Variants in CLSTN2 observed in about 807,000 individuals in gnomAD.
CLSTN2 encodes the protein calsyntenin 2.
CLSTN2 carries 48 observed loss-of-function variants against 101.2 expected under a neutral mutation model. The ratio of observed to expected loss-of-function variants is 0.47; its 90% CI spans 0.38 to 0.60. The LOEUF is 0.60. Among genes scored for constraint, CLSTN2 ranks in the 20% least tolerant of loss-of-function variants. CLSTN2 has a pLI of 0.00. For missense variants in CLSTN2, 1,160 were observed against 1,238.2 expected, an observed-to-expected ratio of 0.94 and a Z score of 0.95; for synonymous variants, 481 against 463.6, an observed-to-expected ratio of 1.04 and a Z score of -0.48.
intron 1 of CLSTN2, among the ~76,000 whole-genome samples, chr3:140,041,119 C>T (rs1472481183): frequency 6.6e-6 from 1 of 152,186 alleles, no homozygotes; most frequent in Non-Finnish European, 1.5e-5. Context: ...CACGTTAAAT[C>T]CGGAGAGCAG....
intron 1 of CLSTN2, among the ~76,000 whole-genome samples, chr3:140,082,731 G>C (rs1416895869): frequency 6.6e-6 from 1 of 152,148 alleles, no homozygotes; most frequent in Non-Finnish European, 1.5e-5. Context: ...AAGTCTTTTA[G>C]CTCAATCCAT....
chr3:139,950,727 T>C (rs1045061417), intron 1 of CLSTN2, among the ~76,000 whole-genome samples: 8 of 152,234 alleles, frequency 5.3e-5, no homozygotes, highest in Non-Finnish European at 7.3e-5. Context: ...ATCAATATAA[T>C]GTCTTCACTG....
At chr3:140,339,721 A>T (rs2087473738) in intron 2 of CLSTN2, among the ~76,000 whole-genome samples, 1 of 152,188 alleles carries the variant, frequency 6.6e-6, no homozygotes, top group African/African-American at 2.4e-5. Context: ...AGAGCCACAG[A>T]TACCACTCAA....
intron 1 of CLSTN2, among the ~76,000 whole-genome samples, chr3:140,100,807 G>A (rs1280248843): frequency 2.0e-5 from 3 of 152,242 alleles, no homozygotes; most frequent in African/African-American, 4.8e-5. Context: ...GTGTTGGCAA[G>A]ATTCCGTAAA....
intron 1 of CLSTN2, among the ~76,000 whole-genome samples, chr3:140,049,475 A>T (rs958345781): frequency 6.6e-6 from 1 of 152,244 alleles, no homozygotes; most frequent in African/African-American, 2.4e-5. Flanking sequence ...GGGACTACAC[A>T]TTTTACCCAG....
At chr3:140,533,431 C>T (rs73867198) in intron 9 of CLSTN2, among the ~76,000 whole-genome samples, 9,248 of 152,158 alleles carry the variant, frequency 0.061, 924 homozygotes, top group African/African-American at 0.21. Context: ...ATATGCCGGC[C>T]GTGCACAGTG....
At chr3:139,984,624 C>T (rs1935991477) in intron 1 of CLSTN2, among the ~76,000 whole-genome samples, 1 of 152,174 alleles carries the variant, frequency 6.6e-6, no homozygotes, top group South Asian at 2.1e-4. Flanking sequence ...GATTGTCTCT[C>T]TTCTTTCCAA....
At chr3:139,936,400 A>T (rs1223612199) in intron 1 of CLSTN2, among the ~76,000 whole-genome samples, 2 of 152,128 alleles carry the variant, frequency 1.3e-5, no homozygotes, top group East Asian at 1.9e-4. Flanking sequence ...GGCAGATCCT[A>T]GCTGGGGCGC....
rs577691057 is a variant in CLSTN2, at chr3:139,976,599, T to C, written c.109+41116T>C. ...AGGTCAAAGTCCCTCCCTTTCCCAC[T>C]GTGCCCAGAGTGCCAAGTCCTGGGA... On this transcript the variant is annotated intron_variant, in intron 1 of 16. Coordinates refer to ENST00000458420, the MANE Select transcript of CLSTN2 (RefSeq NM_022131.3). 2.6e-5 allele frequency among the ~76,000 whole-genome samples: 4 copies of C among 152,302 alleles called. No individual in the cohort carries two copies. The South Asian group carries it at 6.2e-4, about 24-fold the overall frequency.
intron 2 of CLSTN2, among the ~76,000 whole-genome samples, chr3:140,266,138 C>G (rs924339178): frequency 6.6e-6 from 1 of 152,180 alleles, no homozygotes; most frequent in Non-Finnish European, 1.5e-5. Context: ...TGTCTGATCT[C>G]TCTCTGCACT....
chr3:140,468,628 G>A (rs1285393662), intron 8 of CLSTN2, among the ~76,000 whole-genome samples: 1 of 152,208 alleles, frequency 6.6e-6, no homozygotes, highest in East Asian at 1.9e-4. Context: ...CTTCCTGGTG[G>A]CTAATGTGTG....
At chr3:140,457,800 A>G (rs6439926) in intron 6 of CLSTN2, among the ~76,000 whole-genome samples, 91,370 of 151,948 alleles carry the variant, frequency 0.6, 27,656 homozygotes, top group African/African-American at 0.64. Context: ...GCAGTAACAG[A>G]CAAAATCTCT....
intron 2 of CLSTN2, among the ~76,000 whole-genome samples, chr3:140,182,471 C>T (rs770093626): frequency 4.0e-4 from 61 of 152,312 alleles, no homozygotes; most frequent in Non-Finnish European, 7.5e-4. Flanking sequence ...CTTCTTCAGT[C>T]TGTCCTGCCC....
intron 1 of CLSTN2, among the ~76,000 whole-genome samples, chr3:140,023,520 C>T (rs1308026533): frequency 6.6e-6 from 1 of 152,166 alleles, no homozygotes; most frequent in Non-Finnish European, 1.5e-5. Context: ...AACGCACTTT[C>T]CTTGAGTTTG....
chr3:140,238,608 AAAG>A (rs2086435356), intron 2 of CLSTN2, among the ~76,000 whole-genome samples: 1 of 152,216 alleles, frequency 6.6e-6, no homozygotes, highest in South Asian at 2.1e-4. Context: ...TAGAATAAAA[AAAG>A]AAGAACATTT....
chr3:140,362,497 C>T (rs1357338101), intron 2 of CLSTN2, among the ~76,000 whole-genome samples: 2 of 151,874 alleles, frequency 1.3e-5, no homozygotes, highest in Non-Finnish European at 2.9e-5. Flanking sequence ...CTTCAAAAGA[C>T]ATTAAGAGCA....
chr3:140,270,745 C>T (rs377676453), intron 2 of CLSTN2, among the ~76,000 whole-genome samples: 8 of 152,100 alleles, frequency 5.3e-5, no homozygotes, highest in Non-Finnish European at 1.2e-4. Flanking sequence ...GCATTTCTGG[C>T]GAATTTCCTC....
chr3:140,483,807 G>A (rs534330714), intron 8 of CLSTN2, among the ~76,000 whole-genome samples: 28 of 151,738 alleles, frequency 1.8e-4, no homozygotes, highest in African/African-American at 3.9e-4. Context: ...ATTGCTTTCC[G>A]TTTGCTTGGT....
chr3:140,441,547 GT>G (rs1477064256), intron 5 of CLSTN2, among the ~76,000 whole-genome samples: 5 of 152,238 alleles, frequency 3.3e-5, no homozygotes, highest in Non-Finnish European at 7.3e-5. Flanking sequence ...GAGAGGTTAA[GT>G]AACTGCCGAA....
Sources: allele counts gnomAD v4.1 joint callset (sites outside exome capture counted in the v4.1 genomes callset), GRCh38; gene constraint gnomAD v4.1.1; transcripts MANE v1.5; gene names NCBI Gene and HGNC (gene_info 2026-07-23, HGNC 2026-07-21).